NKAIN2: variants seen among roughly 807,000 people sequenced by gnomAD.
NKAIN2 encodes sodium/potassium-transporting ATPase subunit beta-1-interacting protein 2.
A neutral mutation model predicts 32.6 loss-of-function variants in NKAIN2; 14 were observed. That is an observed-to-expected ratio of 0.43 (90% CI 0.28 to 0.67). The LOEUF (loss-of-function observed/expected upper bound fraction) is 0.67. Among genes scored for constraint, NKAIN2 ranks in the 30% least tolerant of loss-of-function variants. The probability of loss-of-function intolerance (pLI) is 0.17; values close to 1 mark genes in which losing one functional copy is unlikely to be tolerated. For synonymous variants in NKAIN2, 80 were observed against 87.2 expected (o/e 0.92, Z 0.46); for missense variants, 198 against 258.3 (o/e 0.77, Z 1.60).
intron 1 of NKAIN2, among the ~76,000 whole-genome samples, chr6:124,186,521 T>C (rs866160340): frequency 3.9e-5 from 6 of 152,094 alleles, no homozygotes; most frequent in Non-Finnish European, 8.8e-5. Flanking sequence ...TCAAGGGAAA[T>C]GTGAGGGAGC....
At chr6:123,835,613 C>A (rs1774584706) in intron 1 of NKAIN2, among the ~76,000 whole-genome samples, 1 of 152,092 alleles carries the variant, frequency 6.6e-6, no homozygotes, top group Non-Finnish European at 1.5e-5. Flanking sequence ...AGAGACATCA[C>A]ATTGCATAAA....
At chr6:123,890,678 AG>A (rs1562241748) in intron 1 of NKAIN2, among the ~76,000 whole-genome samples, 1 of 152,172 alleles carries the variant, frequency 6.6e-6, no homozygotes, top group African/African-American at 2.4e-5. Flanking sequence ...AAACCCAGAA[AG>A]TATCAAGTGT....
At chr6:124,701,147 A>G (rs1037460257) in intron 4 of NKAIN2, among the ~76,000 whole-genome samples, 2 of 125,844 alleles carry the variant, frequency 1.6e-5, no homozygotes, top group African/African-American at 6.5e-5. Context: ...ATACACACAC[A>G]CACACGCACA....
intron 3 of NKAIN2, among the ~76,000 whole-genome samples, chr6:124,525,802 G>T (rs542264405): frequency 3.9e-5 from 6 of 152,224 alleles, no homozygotes; most frequent in Non-Finnish European, 7.4e-5. Flanking sequence ...TTCTGAGAAT[G>T]AAAAAATGTT....
chr6:124,726,462 C>A (rs143409822), intron 4 of NKAIN2, among the ~76,000 whole-genome samples: 3 of 151,894 alleles, frequency 2.0e-5, no homozygotes, highest in African/African-American at 4.8e-5. Flanking sequence ...ACACCTCACA[C>A]GGCAGGGTAT....
intron 3 of NKAIN2, among the ~76,000 whole-genome samples, chr6:124,523,828 C>T (rs1414741361): frequency 6.6e-6 from 1 of 152,104 alleles, no homozygotes; most frequent in East Asian, 1.9e-4. Flanking sequence ...TCAAAGAAGA[C>T]ACAAATCTTC....
chr6:124,312,168 T>C (rs1216911724), intron 2 of NKAIN2, among the ~76,000 whole-genome samples: 1 of 152,174 alleles, frequency 6.6e-6, no homozygotes, highest in Non-Finnish European at 1.5e-5. Context: ...TGTGTCAGTG[T>C]GAGTGAAAAA....
intron 1 of NKAIN2, among the ~76,000 whole-genome samples, chr6:123,809,202 T>C (rs1449761659): frequency 6.6e-6 from 1 of 152,122 alleles, no homozygotes; most frequent in African/African-American, 2.4e-5. Context: ...AGGAAAAATA[T>C]TTGTTTCCCA....
intron 3 of NKAIN2, among the ~76,000 whole-genome samples, chr6:124,360,073 G>C (rs953249720): frequency 6.6e-6 from 1 of 152,038 alleles, no homozygotes; most frequent in Admixed American, 6.6e-5. Flanking sequence ...GCTGGATTAC[G>C]TATATTGATT....
At chr6:123,854,237 A>G (rs773638749) in intron 1 of NKAIN2, among the ~76,000 whole-genome samples, 15 of 152,206 alleles carry the variant, frequency 9.9e-5, no homozygotes, top group Non-Finnish European at 1.9e-4. Flanking sequence ...TACAAAATCC[A>G]TCATTTATAA....
At chr6:124,401,684 A>G (rs796774452) in intron 3 of NKAIN2, among the ~76,000 whole-genome samples, 3 of 152,218 alleles carry the variant, frequency 2.0e-5, no homozygotes, top group South Asian at 2.1e-4. Context: ...CTCGTGATGC[A>G]TAACACCTTT....
chr6:124,442,159 A>C (rs1775718004), intron 3 of NKAIN2, among the ~76,000 whole-genome samples: 1 of 151,992 alleles, frequency 6.6e-6, no homozygotes, highest in South Asian at 2.1e-4. Flanking sequence ...CCAGATCCAT[A>C]ATCAACCAGC....
At chr6:124,271,686 T>G (rs2114879595) in intron 1 of NKAIN2, among the ~76,000 whole-genome samples, 1 of 152,358 alleles carries the variant, frequency 6.6e-6, no homozygotes, top group African/African-American at 2.4e-5. Flanking sequence ...AGAGGTCTTG[T>G]AAGAAGACAG....
In NKAIN2 at chr6:124,824,437, G is replaced by C. The variant is rs1781512604; in HGVS notation, c.*1208G>C. 6.6e-6 allele frequency: 1 copy of C among 152,144 alleles called. No individual in the cohort carries two copies. Among genetic ancestry groups the C allele is most frequent in the Non-Finnish European group, 1.5e-5 (1 of 68,020 alleles). The allele number at this position is 152,144 out of a possible 1,614,324, so 9.4% of individuals were successfully genotyped here. On this transcript the variant is annotated 3_prime_UTR_variant, in exon 7 of 7. Coordinates refer to ENST00000368417, the MANE Select transcript of NKAIN2 (RefSeq NM_001040214.3). The stretch of plus-strand genomic sequence containing the variant: ...TATTTGGGGGATCTGTTGTGTGTTA[G>C]AGTGTATTTCAACCCTCCTGTATTA...
At chr6:124,319,932 A>G (rs1299193893) in intron 2 of NKAIN2, among the ~76,000 whole-genome samples, 1 of 152,168 alleles carries the variant, frequency 6.6e-6, no homozygotes, top group Non-Finnish European at 1.5e-5. Context: ...ATTAGTAGCC[A>G]TAAATTAAGC....
chr6:124,411,410 G>A (rs1375042433), intron 3 of NKAIN2, among the ~76,000 whole-genome samples: 3 of 152,110 alleles, frequency 2.0e-5, no homozygotes, highest in Non-Finnish European at 4.4e-5. Context: ...TTGCTTGTCT[G>A]TAAAGTATTT....
chr6:124,101,912 A>T (rs947105070), intron 1 of NKAIN2, among the ~76,000 whole-genome samples: 1 of 152,196 alleles, frequency 6.6e-6, no homozygotes, highest in Non-Finnish European at 1.5e-5. Flanking sequence ...CAGTTTAGGC[A>T]CAGGCTTTGT....
chr6:123,911,812 TACACACACACACAC>T lies in NKAIN2; in HGVS notation c.54+107592_54+107605del, dbSNP rs60501930. ...ATATATATATATATGTATATATATA[TACACACACACACAC>T]ACACACACACACACACACACACACA... On this transcript the variant is annotated intron_variant, in intron 1 of 6. Transcript: ENST00000368417. Among the ~76,000 whole-genome samples, 196 of 85,006 alleles carry T rather than the reference TACACACACACACAC, an allele frequency of 2.3e-3. 10 individuals carry two copies. Among genetic ancestry groups the T allele is most frequent in the South Asian group, 5.5e-3 (13 of 2,356 alleles). The allele number at this position is 85,006 out of a possible 152,430, so 55.8% of individuals were successfully genotyped here. A position where few individuals can be genotyped will look rare whatever the true frequency, so the allele number is the denominator to read the frequency against.
chr6:123,958,774 A>G (rs1325793989), intron 1 of NKAIN2, among the ~76,000 whole-genome samples: 1 of 152,238 alleles, frequency 6.6e-6, no homozygotes, highest in Non-Finnish European at 1.5e-5. Flanking sequence ...CTGAATCGCT[A>G]CGTCAACCTC....
Sources: gnomAD v4.1 joint callset for allele counts (sites outside exome capture counted in the v4.1 genomes callset) on GRCh38, gnomAD v4.1.1 for gene constraint, MANE v1.5 for transcripts, NCBI Gene and HGNC (gene_info 2026-07-23, HGNC 2026-07-21) for gene names.